ZFP64: variants seen among roughly 807,000 people sequenced by gnomAD.
ZFP64 encodes zinc finger protein 64.
A neutral mutation model predicts 51.6 loss-of-function variants in ZFP64; 14 were observed. The ratio of observed to expected loss-of-function variants is 0.27; its 90% CI spans 0.18 to 0.42. ZFP64 has a LOEUF of 0.42. Among genes scored for constraint, ZFP64 ranks in the 10% least tolerant of loss-of-function variants. ZFP64 has a pLI of 1.00. For missense variants in ZFP64, 754 were observed against 906.8 expected (o/e 0.83, Z 2.16); for synonymous variants, 375 against 361.4 (o/e 1.04, Z -0.43).
At chr20:52,109,466 G>T (rs1978431286) in intron 5 of ZFP64, among the ~76,000 whole-genome samples, 1 of 151,772 alleles carries the variant, frequency 6.6e-6, no homozygotes, top group Non-Finnish European at 1.5e-5. Context: ...CTGGCCAGAA[G>T]ATGTTTAAAC....
At chr20:52,156,237 T>G (rs1981309944) in intron 5 of ZFP64, among the ~76,000 whole-genome samples, 1 of 152,210 alleles carries the variant, frequency 6.6e-6, no homozygotes, top group Non-Finnish European at 1.5e-5. Context: ...CACCCCTCCT[T>G]TAGCACGGCC....
downstream of ZFP64, among the ~76,000 whole-genome samples, chr20:52,146,498 A>C (rs1056263472): frequency 6.8e-6 from 1 of 147,492 alleles, no homozygotes; most frequent in Non-Finnish European, 1.5e-5. Context: ...CAAACACCGC[A>C]TGTTCTCACT....
chr20:52,118,161 G>GA (rs1978978035), intron 5 of ZFP64, among the ~76,000 whole-genome samples: 1 of 152,014 alleles, frequency 6.6e-6, no homozygotes, highest in Non-Finnish European at 1.5e-5. Flanking sequence ...CAGTTGAAAA[G>GA]GGAAATAACC....
intron 5 of ZFP64, among the ~76,000 whole-genome samples, chr20:52,121,019 G>T (rs554319816): frequency 1.3e-5 from 2 of 152,046 alleles, no homozygotes; most frequent in Non-Finnish European, 2.9e-5. Flanking sequence ...ACTGTTTTAG[G>T]GTGCCATGAA....
intron 5 of ZFP64, among the ~76,000 whole-genome samples, chr20:52,141,036 G>A (rs1193105649): frequency 1.3e-5 from 2 of 152,140 alleles, no homozygotes; most frequent in Admixed American, 1.3e-4. Flanking sequence ...CAGCACCTCT[G>A]TTTACGGCAT....
chr20:52,086,244 C>T (rs979245233), intron 8 of ZFP64, among the ~76,000 whole-genome samples: 3 of 152,186 alleles, frequency 2.0e-5, no homozygotes, highest in Non-Finnish European at 4.4e-5. Flanking sequence ...ATGTGATATT[C>T]ATCGGAGCCA....
chr20:52,191,763 G>C lies in ZFP64; in HGVS notation c.-127C>G. On this transcript the variant is annotated 5_prime_UTR_variant, in exon 1 of 6. Coordinates refer to ENST00000216923, the MANE Select transcript of ZFP64 (RefSeq NM_018197.3). The surrounding 1 kb of genome is among the most constrained non-coding windows in gnomAD (Gnocchi z 4.3). Reference sequence around the variant, plus strand: ...CCCTGCCTTCTCCCAACTCTGCGAGGCGGGGAGGACGGATGTAAAGCAAGC... The same window carrying C: ...CCCTGCCTTCTCCCAACTCTGCGAGCCGGGGAGGACGGATGTAAAGCAAGC... 1.6e-6 allele frequency: 2 copies of C among 1,212,994 alleles called. No homozygotes were observed. Among genetic ancestry groups the C allele is most frequent in the Non-Finnish European group, 1.1e-6 (1 of 915,744 alleles). 75.1% of individuals were successfully genotyped at this position (1,212,994 alleles called of 1,614,324 possible).
chr20:52,142,270 A>G (rs941631595), intron 5 of ZFP64, among the ~76,000 whole-genome samples: 7 of 152,000 alleles, frequency 4.6e-5, no homozygotes, highest in African/African-American at 1.7e-4. Flanking sequence ...TGGAAGACTG[A>G]AGCAGGAGAA....
rs1165457381 is a variant in ZFP64, at chr20:52,165,847, C to G, written c.448+17G>C. On this transcript the variant is annotated intron_variant, in intron 3 of 5. Coordinates refer to ENST00000216923, the MANE Select transcript of ZFP64 (RefSeq NM_018197.3). ...TATCACACCCTCTACACAAGTAGGA[C>G]ATAATGCTGCCTTTACCTGGATAGC... The G allele has an allele frequency of 1.9e-6, 3 of 1,613,960 alleles. No individual in the cohort carries two copies. Among genetic ancestry groups the G allele is most frequent in the Non-Finnish European group, 2.5e-6 (3 of 1,179,878 alleles).
chr20:52,172,221 T>TTG (rs537503128), intron 2 of ZFP64, among the ~76,000 whole-genome samples: 2,672 of 148,072 alleles, frequency 0.018, 23 homozygotes, highest in African/African-American at 0.02. Flanking sequence ...GTGTGTGTGT[T>TTG]TGTGTGTGTG....
chr20:52,168,231 G>C (rs1289712625), intron 2 of ZFP64, among the ~76,000 whole-genome samples: 1 of 152,168 alleles, frequency 6.6e-6, no homozygotes, highest in Non-Finnish European at 1.5e-5. Context: ...ATATGTGTAG[G>C]GAAGTCAAGG....
Position 52,108,861 on chromosome 20 carries a change from AACACACACACACAC to A in ZFP64, c.764-10288_764-10275del, listed in dbSNP as rs57127987. ...TCAAGGCTCAAAATTGAAAATCTGA[AACACACACACACAC>A]ACACACACACACACACACACACACA... On this transcript the variant is annotated intron_variant, in intron 5 of 8. Transcript: ENST00000361387. Among the ~76,000 whole-genome samples, 433 of 139,746 alleles carry A rather than the reference AACACACACACACAC, an allele frequency of 3.1e-3. 3 individuals carry two copies. Among genetic ancestry groups the A allele is most frequent in the African/African-American group, 0.01 (376 of 37,368 alleles). 91.7% of individuals were successfully genotyped at this position (139,746 alleles called of 152,430 possible).
intron 5 of ZFP64, among the ~76,000 whole-genome samples, chr20:52,106,594 AAT>A (rs1406752579): frequency 6.6e-6 from 1 of 152,102 alleles, no homozygotes; most frequent in African/African-American, 2.4e-5. Context: ...ATTTTTGCTT[AAT>A]TGTTTCCATT....
chr20:52,088,451 A>G (rs1198950999), exon 8 of ZFP64: 1 of 1,614,030 alleles, frequency 6.2e-7, no homozygotes, highest in Admixed American at 1.7e-5. Context: ...ATAGGGGCAG[A>G]GCTGGCATTT....
At position 52,152,144 on chromosome 20, in the gene ZFP64, C is replaced by A. The variant is rs1321379050; in HGVS notation, c.*2G>T. The A allele has an allele frequency of 6.2e-7, 1 of 1,608,630 alleles. No homozygotes were observed. Among genetic ancestry groups the A allele is most frequent in the South Asian group, 1.1e-5 (1 of 90,810 alleles). On this transcript the variant is annotated 3_prime_UTR_variant, in exon 6 of 6. Transcript: ENST00000216923. Reference sequence around the variant, plus strand: ...CCCCCACTCCTTTTGTTTTTTTAAGCACTAATCTGGAATGGAGTCGGCGGG... The same window carrying A: ...CCCCCACTCCTTTTGTTTTTTTAAGAACTAATCTGGAATGGAGTCGGCGGG...
In ZFP64 at chr20:52,122,400, G is replaced by A. The variant is rs919922336; in HGVS notation, c.764-23813C>T. Among the ~76,000 whole-genome samples the A allele has an allele frequency of 5.3e-5, 8 of 151,710 alleles. No individual in the cohort carries two copies. In the South Asian group the frequency reaches 1.3e-3, roughly 24 times the overall value. ...CGGCGCCTGTAGTCCCAGCTACTCC[G>A]GAGGCTGAGGCAGGAGAATGGCGTG... On this transcript the variant is annotated intron_variant, in intron 5 of 8. Coordinates refer to the ZFP64 transcript ENST00000361387.
At chr20:52,132,771 C>G (rs1011105268) in intron 5 of ZFP64, among the ~76,000 whole-genome samples, 5 of 152,076 alleles carry the variant, frequency 3.3e-5, no homozygotes, top group African/African-American at 1.2e-4. Flanking sequence ...CTGAATTCTG[C>G]TAAACATTGA....
intron 3 of ZFP64, chr20:52,165,417 A>G: frequency 2.2e-6 from 1 of 455,010 alleles, no homozygotes; most frequent in South Asian, 1.6e-5. Context: ...ATATACAAAG[A>G]ATGACAAAGC....
chr20:52,100,402 C>T (rs1019721381), intron 5 of ZFP64, among the ~76,000 whole-genome samples: 5 of 152,056 alleles, frequency 3.3e-5, no homozygotes, highest in African/African-American at 7.3e-5. Flanking sequence ...TGCGCCACCA[C>T]GCCTGCCTAA....
Sources: allele counts gnomAD v4.1 joint callset (sites outside exome capture counted in the v4.1 genomes callset), GRCh38; gene constraint gnomAD v4.1.1; non-coding constraint Gnocchi (gnomAD v3.1); transcripts MANE v1.5; gene names NCBI Gene and HGNC (gene_info 2026-07-23, HGNC 2026-07-21).